The following FAM110B variants were observed in gnomAD, a reference collection of about 807,000 sequenced individuals.
FAM110B encodes the protein protein FAM110B.
FAM110B carries 6 observed loss-of-function variants against 20.4 expected under a neutral mutation model. The observed-to-expected ratio is 0.29, with a 90% CI of 0.16 to 0.58. The LOEUF (loss-of-function observed/expected upper bound fraction) is 0.58. Among genes scored for constraint, FAM110B ranks in the 20% least tolerant of loss-of-function variants. FAM110B has a pLI of 0.90. For missense variants in FAM110B, 434 were observed against 498.2 expected (o/e 0.87, Z 1.23); for synonymous variants, 226 against 214.1 (o/e 1.06, Z -0.49).
chr8:58,123,598 C>T (rs1193541132), intron 3 of FAM110B, among the ~76,000 whole-genome samples: 1 of 152,116 alleles, frequency 6.6e-6, no homozygotes, highest in Admixed American at 6.5e-5. Flanking sequence ...AGCAGTCAGA[C>T]TATTTATCTA....
Position 58,148,747 on chromosome 8 carries a change from A to G in FAM110B, c.*1404A>G, listed in dbSNP as rs1803930574. 1 of 167,132 alleles carries G rather than the reference A, an allele frequency of 6.0e-6. No individual in the cohort carries two copies. The highest frequency in any genetic ancestry group is 1.5e-5 in the Non-Finnish European group (1 of 68,132). The allele number at this position is 167,132 out of a possible 1,614,324, so 10.4% of individuals were successfully genotyped here. On this transcript the variant is annotated 3_prime_UTR_variant, in exon 4 of 4. Coordinates refer to ENST00000519262, the MANE Select transcript of FAM110B (RefSeq NM_001377989.1). ...TGTTATGAAATCTTTAAAGAAAAAAAGAAAAAGTTACGCTAATAAATTGCT... is the reference window on the plus strand; with the variant it reads ...TGTTATGAAATCTTTAAAGAAAAAAGGAAAAAGTTACGCTAATAAATTGCT...
At chr8:58,071,543 G>A (rs1001630065) in intron 2 of FAM110B, among the ~76,000 whole-genome samples, 1 of 152,198 alleles carries the variant, frequency 6.6e-6, no homozygotes, top group African/African-American at 2.4e-5. Flanking sequence ...CTAGAACTAT[G>A]TTCTGGTTAA....
At chr8:58,018,476 A>G (rs1191773846) in intron 1 of FAM110B, among the ~76,000 whole-genome samples, 9 of 151,922 alleles carry the variant, frequency 5.9e-5, no homozygotes, top group African/African-American at 2.2e-4. Flanking sequence ...CCATTCCTTT[A>G]TTTTTAGTAT....
intron 2 of FAM110B, among the ~76,000 whole-genome samples, chr8:58,034,804 G>A (rs549164579): frequency 1.3e-5 from 2 of 152,172 alleles, no homozygotes; most frequent in African/African-American, 4.8e-5. Flanking sequence ...ACATTGTGCT[G>A]GGCGCATAGT....
chr8:58,002,016 T>G (rs1281419305), intron 1 of FAM110B, among the ~76,000 whole-genome samples: 1 of 149,800 alleles, frequency 6.7e-6, no homozygotes, highest in Middle Eastern at 3.5e-3. Context: ...GCTAAGCAGC[T>G]AGAGAGAGAG....
chr8:58,034,499 T>C (rs1287391045), intron 2 of FAM110B, among the ~76,000 whole-genome samples: 1 of 152,190 alleles, frequency 6.6e-6, no homozygotes, highest in Non-Finnish European at 1.5e-5. Context: ...GGTAAGAGTG[T>C]GGGCTTTAAT....
intron 2 of FAM110B, among the ~76,000 whole-genome samples, chr8:58,062,044 AT>A (rs1372467742): frequency 6.6e-6 from 1 of 151,974 alleles, no homozygotes; most frequent in Admixed American, 6.6e-5. Flanking sequence ...GACACGATAC[AT>A]TTTTTTTCTG....
At chr8:58,045,885 A>C (rs1805310869) in intron 2 of FAM110B, among the ~76,000 whole-genome samples, 1 of 152,218 alleles carries the variant, frequency 6.6e-6, no homozygotes, top group Non-Finnish European at 1.5e-5. Context: ...TTTGGAGTCT[A>C]AGATCAAGGC....
At chr8:58,043,759 A>G (rs962004811) in intron 2 of FAM110B, among the ~76,000 whole-genome samples, 10 of 152,184 alleles carry the variant, frequency 6.6e-5, no homozygotes, top group Non-Finnish European at 2.9e-5. Context: ...GCTATTTTAC[A>G]TGTATTACCT....
intron 1 of FAM110B, among the ~76,000 whole-genome samples, chr8:57,997,093 A>G (rs1286426675): frequency 2.6e-5 from 4 of 152,210 alleles, no homozygotes; most frequent in African/African-American, 7.2e-5. Flanking sequence ...AAGCGAAGGC[A>G]TGGTATTAAC....
At chr8:58,086,189 G>A (rs1020510565) in intron 3 of FAM110B, among the ~76,000 whole-genome samples, 4 of 152,118 alleles carry the variant, frequency 2.6e-5, no homozygotes, top group African/African-American at 9.7e-5. Flanking sequence ...AAAGTAAATT[G>A]CCTCATTTGG....
rs763471597 is a variant in FAM110B at position 58,148,723 on chromosome 8, GT to G, written c.*1382del. ...GTAAGACTTTGTACATACTTCAGTT[GT>G]TATGAAATCTTTAAAGAAAAAAAGA... On this transcript the variant is annotated 3_prime_UTR_variant, in exon 4 of 4. Coordinates refer to ENST00000519262, the MANE Select transcript of FAM110B (RefSeq NM_001377989.1). The G allele has an allele frequency of 1.4e-3, 230 of 167,184 alleles. No individual in the cohort carries two copies. Among genetic ancestry groups the G allele is most frequent in the Non-Finnish European group, 2.3e-3 (160 of 68,106 alleles). The allele number at this position is 167,184 out of a possible 1,614,324, so 10.4% of individuals were successfully genotyped here. A position where few individuals can be genotyped will look rare whatever the true frequency, so the allele number is the denominator to read the frequency against.
intron 1 of FAM110B, among the ~76,000 whole-genome samples, chr8:58,019,160 C>CCCCATCTA (rs201605911): frequency 0.047 from 7,104 of 151,502 alleles, 199 homozygotes; most frequent in South Asian, 0.097. Flanking sequence ...CGTGGTGAAA[C>CCCCATCTA]CCCATCTACA....
At chr8:58,111,725 T>C (rs552290782) in intron 3 of FAM110B, among the ~76,000 whole-genome samples, 4 of 152,230 alleles carry the variant, frequency 2.6e-5, no homozygotes, top group Middle Eastern at 3.4e-3. Context: ...TGAAAAGACA[T>C]AAGCTGCTAT....
chr8:58,018,538 G>A (rs904391379), intron 1 of FAM110B, among the ~76,000 whole-genome samples: 44 of 151,974 alleles, frequency 2.9e-4, no homozygotes, highest in African/African-American at 1.1e-3. Flanking sequence ...GTTAGATAGT[G>A]CTTTTTTTAT....
chr8:58,000,936 G>T (rs1266195984), intron 1 of FAM110B, among the ~76,000 whole-genome samples: 2 of 152,106 alleles, frequency 1.3e-5, no homozygotes, highest in East Asian at 3.8e-4. Flanking sequence ...TTTTATTCTT[G>T]TTTAGTGACA....
intron 3 of FAM110B, among the ~76,000 whole-genome samples, chr8:58,112,656 C>G (rs1162279376): frequency 6.6e-6 from 1 of 152,218 alleles, no homozygotes; most frequent in African/African-American, 2.4e-5. Flanking sequence ...TATAGCTTGG[C>G]CCTGTCTGGT....
At chr8:58,108,936 G>A (rs1806986152) in intron 3 of FAM110B, among the ~76,000 whole-genome samples, 1 of 152,184 alleles carries the variant, frequency 6.6e-6, no homozygotes, top group Non-Finnish European at 1.5e-5. Context: ...CATTTGACAA[G>A]CACAGTCTCA....
chr8:58,122,363 G>A (rs1262402990), intron 3 of FAM110B, among the ~76,000 whole-genome samples: 1 of 151,914 alleles, frequency 6.6e-6, no homozygotes, highest in Non-Finnish European at 1.5e-5. Flanking sequence ...CCCTTCATCT[G>A]ATTAACTTTT....
Sources: gnomAD v4.1 joint callset for allele counts (sites outside exome capture counted in the v4.1 genomes callset) on GRCh38, gnomAD v4.1.1 for gene constraint, MANE v1.5 for transcripts, NCBI Gene and HGNC (gene_info 2026-07-23, HGNC 2026-07-21) for gene names.